NT5C1A: variants seen among roughly 807,000 people sequenced by gnomAD.
NT5C1A encodes the protein cytosolic 5'-nucleotidase 1A.
NT5C1A carries 18 observed loss-of-function variants against 31.0 expected under a neutral mutation model. The observed-to-expected ratio is 0.58, with a 90% CI of 0.40 to 0.86. NT5C1A has a LOEUF of 0.86. Ranked by LOEUF, NT5C1A falls within the 40% of genes least tolerant of loss-of-function variation. NT5C1A has a pLI of 0.00. For synonymous variants in NT5C1A, 185 were observed against 203.6 expected, an observed-to-expected ratio of 0.91 and a Z score of 0.78; for missense variants, 470 against 505.4, an observed-to-expected ratio of 0.93 and a Z score of 0.67.
chr1:39,669,895 A>T (rs1646541532), intron 1 of NT5C1A, among the ~76,000 whole-genome samples: 3 of 152,130 alleles, frequency 2.0e-5, no homozygotes, highest in African/African-American at 7.2e-5. Context: ...TAAAAATGGG[A>T]CCCAGTTAAT....
intron 4 of NT5C1A, 84 bp from the exon 5 acceptor site, chr1:39,661,347 C>A: frequency 1.5e-6 from 1 of 668,540 alleles, no homozygotes; most frequent in Non-Finnish European, 2.7e-6. Context: ...CCTTGCCCCA[C>A]CTGCCTCATA....
At chr1:39,670,548 T>C (rs188116745) in intron 1 of NT5C1A, among the ~76,000 whole-genome samples, 1 of 152,366 alleles carries the variant, frequency 6.6e-6, no homozygotes, top group African/African-American at 2.4e-5. Context: ...TGGATTCACA[T>C]GTGTGCAGAC....
At chr1:39,665,046 CTA>C (rs1646514030) in intron 3 of NT5C1A, among the ~76,000 whole-genome samples, 1 of 152,146 alleles carries the variant, frequency 6.6e-6, no homozygotes, top group Non-Finnish European at 1.5e-5. Context: ...TCTGGAGGGG[CTA>C]TTATTTTTAA....
chr1:39,670,715 T>A (rs1252364502), intron 1 of NT5C1A, among the ~76,000 whole-genome samples: 1 of 152,172 alleles, frequency 6.6e-6, no homozygotes, highest in Non-Finnish European at 1.5e-5. Context: ...ATTCAGTACT[T>A]ATTCAGGAAC....
At chr1:39,670,726 A>G (rs371461395) in intron 1 of NT5C1A, among the ~76,000 whole-genome samples, 20 of 152,272 alleles carry the variant, frequency 1.3e-4, no homozygotes, top group South Asian at 1.0e-3. Context: ...ATTCAGGAAC[A>G]CAGTCCTGAG....
chr1:39,661,200 C>T lies in NT5C1A; in HGVS notation c.620G>A (p.Arg207His), dbSNP rs572504200. 18 of 1,597,306 alleles carry T rather than the reference C, an allele frequency of 1.1e-5. No individual in the cohort carries two copies. The Admixed American group carries it at 1.5e-4, about 13-fold the overall frequency. Residue 207 changes from arginine to histidine, a missense_variant, in exon 5 of 6, where the codon CGC becomes CAC. Transcript: ENST00000235628. The part of the protein sequence containing the change: ...RDVVVSQSQL[R>H]VAFDGDAVLF... The stretch of plus-strand genomic sequence containing the variant: ...CACGGCGTCCCCATCGAAGGCCACG[C>T]GCAGCTGACTCTGGGACACAACCAC...
At position 39,658,465 on chromosome 1, in the gene NT5C1A, G is replaced by A. The variant is rs1646474174; in HGVS notation, c.*656C>T. On this transcript the variant is annotated 3_prime_UTR_variant, in exon 6 of 6. Coordinates refer to ENST00000235628, the MANE Select transcript of NT5C1A (RefSeq NM_032526.3). The stretch of plus-strand genomic sequence containing the variant: ...ATCCAGCCTCTATCCTGCTAACTAA[G>A]CTGTGTACCCCACTATGGGACTGGG... Among the ~76,000 whole-genome samples, 1 of 152,206 alleles carries A rather than the reference G, an allele frequency of 6.6e-6. No individual in the cohort carries two copies. Among genetic ancestry groups the A allele is most frequent in the African/African-American group, 2.4e-5 (1 of 41,452 alleles).
At chr1:39,671,862 A>C in intron 1 of NT5C1A, 42 bp downstream of exon 1, 1 of 1,609,640 alleles carries the variant, frequency 6.2e-7, no homozygotes, top group Non-Finnish European at 8.5e-7. Flanking sequence ...CCTCCGGGGT[A>C]ACCCTTCCCC....
intron 4 of NT5C1A, among the ~76,000 whole-genome samples, chr1:39,661,552 C>G (rs904782960): frequency 3.9e-5 from 6 of 152,262 alleles, no homozygotes; most frequent in Non-Finnish European, 5.9e-5. Context: ...CAGGAGGGCA[C>G]TCAGGACTCA....
At chr1:39,671,820 A>T in intron 1 of NT5C1A, 84 bp downstream of exon 1, 2 of 1,538,262 alleles carry the variant, frequency 1.3e-6, no homozygotes, top group East Asian at 4.7e-5. Flanking sequence ...GAGGGGCGCC[A>T]CGGGTCCCTT....
At position 39,659,348 on chromosome 1, in the gene NT5C1A, TGA is replaced by T. The variant is rs1646478704; in HGVS notation, c.878_879del (p.Leu293GlnfsTer12). The stretch of plus-strand genomic sequence containing the variant: ...TCCAGGCCCCAGCTGCGCAGGGTCT[TGA>T]GAGCCCGGGCCCCGGAACTGGCTGC... ...RSAASSGARA[L>X]KTLRSWGLET... On this transcript the variant is annotated frameshift_variant, in exon 6 of 6. Coordinates refer to ENST00000235628, the MANE Select transcript of NT5C1A (RefSeq NM_032526.3). LOFTEE classifies it high-confidence loss of function. 12 of 1,613,890 alleles carry T rather than the reference TGA, an allele frequency of 7.4e-6. No homozygotes were observed. The highest frequency in any genetic ancestry group is 1.0e-5 in the Non-Finnish European group (12 of 1,180,016).
rs1048797605 is a variant in NT5C1A at position 39,653,443 on chromosome 1, C to T, written c.*5678G>A. On this transcript the variant is annotated 3_prime_UTR_variant, in exon 6 of 6. Transcript: ENST00000235628. ...CATTACACACACCCACATAAATACA[C>T]GTACGTGTACGATTTTTATCCTGTT... is the stretch of plus-strand genomic sequence containing the variant. Among the ~76,000 whole-genome samples the T allele has an allele frequency of 3.9e-5, 6 of 152,160 alleles. No homozygotes were observed. The highest frequency in any genetic ancestry group is 1.2e-4 in the African/African-American group (5 of 41,428).
chr1:39,664,224 G>A (rs1646506292), intron 3 of NT5C1A, among the ~76,000 whole-genome samples: 1 of 151,120 alleles, frequency 6.6e-6, no homozygotes, highest in South Asian at 2.1e-4. Context: ...CGTGATCTCG[G>A]CTCACTGCAA....
rs200294624 is a variant in NT5C1A, at chr1:39,671,991, C to A, written c.48G>T (p.Gly16=). Residue 16 remains glycine (G), a synonymous_variant, in exon 1 of 6, where the codon GGG becomes GGT. Coordinates refer to ENST00000235628, the MANE Select transcript of NT5C1A (RefSeq NM_032526.3). ...PREPQEPREP[G]PGAETAAAPV... ...GGGCCGCAGCGGTCTCCGCTCCTGG[C>A]CCGGGCTCGCGGGGCTCCTGGGGCT... The A allele has an allele frequency of 4.3e-6, 7 of 1,609,936 alleles. No homozygotes were observed. The highest frequency in any genetic ancestry group is 2.2e-5 in the East Asian group (1 of 44,782).
At chr1:39,671,871 C>T (rs1646554020) in intron 1 of NT5C1A, 33 bp downstream of exon 1, 1 of 1,611,358 alleles carries the variant, frequency 6.2e-7, no homozygotes, top group South Asian at 1.1e-5. Context: ...TAACCCTTCC[C>T]CCGTCCCCCG....
rs573948710 is a variant in NT5C1A, at chr1:39,666,312, G to C, written c.136-76C>G. The C allele has an allele frequency of 8.9e-5, 128 of 1,433,420 alleles. No individual in the cohort carries two copies. The African/African-American group carries it at 1.7e-3, about 19-fold the overall frequency. 88.8% of individuals were successfully genotyped at this position (1,433,420 alleles called of 1,614,324 possible). A position where few individuals can be genotyped will look rare whatever the true frequency, so the allele number is the denominator to read the frequency against. On this transcript the variant is annotated intron_variant, in intron 1 of 5. Transcript: ENST00000235628. ...CAGGCTCACATGTGTGAGTCTCCCT[G>C]GGTAGTGAGGACATGGAGAAGACCC...
At chr1:39,666,638 T>C (rs1646524590) in intron 1 of NT5C1A, among the ~76,000 whole-genome samples, 1 of 152,188 alleles carries the variant, frequency 6.6e-6, no homozygotes, top group Non-Finnish European at 1.5e-5. Context: ...TGCCCATAAA[T>C]ATGACAATTT....
chr1:39,659,528 CTAA>C (rs766479609), intron 5 of NT5C1A, 42 bp from the exon 6 acceptor site: 8 of 1,517,310 alleles, frequency 5.3e-6, no homozygotes, highest in Non-Finnish European at 7.1e-6. Flanking sequence ...CTACCACCTC[CTAA>C]ATATTTGCCC....
rs928006091 is a variant in NT5C1A, at chr1:39,652,619, G to A, written c.*6502C>T. On this transcript the variant is annotated 3_prime_UTR_variant, in exon 6 of 6. Transcript: ENST00000235628. Reference sequence around the variant, plus strand: ...CCTTTACCCTAATTCCGTGGCAGATGGCCATGAAGGCATATATTCACCCAC... The same window carrying A: ...CCTTTACCCTAATTCCGTGGCAGATAGCCATGAAGGCATATATTCACCCAC... 3.3e-5 allele frequency among the ~76,000 whole-genome samples: 5 copies of A among 152,094 alleles called. No homozygotes were observed. Among genetic ancestry groups the A allele is most frequent in the African/African-American group, 1.2e-4 (5 of 41,418 alleles).
Sources: allele counts gnomAD v4.1 joint callset (sites outside exome capture counted in the v4.1 genomes callset), GRCh38; gene constraint gnomAD v4.1.1; transcripts MANE v1.5; gene names NCBI Gene and HGNC (gene_info 2026-07-23, HGNC 2026-07-21).